PRKAR2B: variants seen among roughly 807,000 people sequenced by gnomAD.
PRKAR2B encodes the protein cAMP-dependent protein kinase type II-beta regulatory subunit.
In PRKAR2B, 14 loss-of-function variants were observed where a neutral mutation model predicts 49.9. That is an observed-to-expected ratio of 0.28 (90% CI 0.19 to 0.44). The LOEUF is 0.44. Ranked by LOEUF, PRKAR2B falls within the 20% of genes least tolerant of loss-of-function variation. The pLI, the probability that PRKAR2B is intolerant of heterozygous loss-of-function variation, is 1.00. For synonymous variants in PRKAR2B, 196 were observed against 197.7 expected (o/e 0.99, Z 0.07); for missense variants, 393 against 537.9 (o/e 0.73, Z 2.67).
intron 1 of PRKAR2B, among the ~76,000 whole-genome samples, chr7:107,046,415 TTTC>T (rs1793694968): frequency 6.6e-6 from 1 of 152,256 alleles, no homozygotes; most frequent in Non-Finnish European, 1.5e-5. Flanking sequence ...AGATGTTTCT[TTTC>T]TTTGCAGGAT....
chr7:107,122,113 T>A, intron 3 of PRKAR2B, 109 bp downstream of exon 3: 1 of 616,396 alleles, frequency 1.6e-6, no homozygotes, highest in South Asian at 3.2e-5. Context: ...GGAGACATAA[T>A]GGAATTATTT....
intron 1 of PRKAR2B, among the ~76,000 whole-genome samples, chr7:107,066,295 A>G (rs1035421305): frequency 9.9e-5 from 10 of 101,278 alleles, no homozygotes; most frequent in East Asian, 3.0e-4. Flanking sequence ...TTTTCTCTCT[A>G]TGTGGGGTGT....
intron 5 of PRKAR2B, among the ~76,000 whole-genome samples, chr7:107,143,966 A>G (rs949233259): frequency 6.6e-6 from 1 of 152,172 alleles, no homozygotes; most frequent in Non-Finnish European, 1.5e-5. Flanking sequence ...CCTGTACTTG[A>G]AAAATGATTA....
At chr7:107,058,584 A>T (rs981968389) in intron 1 of PRKAR2B, among the ~76,000 whole-genome samples, 3 of 152,068 alleles carry the variant, frequency 2.0e-5, no homozygotes, top group Non-Finnish European at 4.4e-5. Context: ...TGATTTTTTT[A>T]TTTGACTGTT....
Position 107,128,210 on chromosome 7 carries a change from A to C in PRKAR2B, c.397-2A>C. 2 of 1,596,570 alleles carry C rather than the reference A, an allele frequency of 1.3e-6. No homozygotes were observed. On this transcript the variant is annotated splice_acceptor_variant, in intron 3 of 10. Coordinates refer to ENST00000265717, the MANE Select transcript of PRKAR2B (RefSeq NM_002736.3). LOFTEE classifies it high-confidence loss of function. ...TGTTTTTTAAATCTGATGTCCTTTT[A>C]GATTATACATCCAAAAACTGATGAT...
At chr7:107,138,886 C>A (rs911755631) in intron 4 of PRKAR2B, among the ~76,000 whole-genome samples, 5 of 152,024 alleles carry the variant, frequency 3.3e-5, no homozygotes, top group African/African-American at 1.2e-4. Flanking sequence ...GCCATGTTGC[C>A]CAGGCTGGTC....
chr7:107,086,667 G>A (rs923478797), intron 2 of PRKAR2B, among the ~76,000 whole-genome samples: 11 of 151,908 alleles, frequency 7.2e-5, no homozygotes, highest in African/African-American at 2.7e-4. Context: ...TTGCCACATT[G>A]GCCAGGCTGG....
chr7:107,079,195 G>C (rs1326779286), intron 2 of PRKAR2B, among the ~76,000 whole-genome samples: 1 of 152,180 alleles, frequency 6.6e-6, no homozygotes, highest in Non-Finnish European at 1.5e-5. Context: ...CTGTGTGAAG[G>C]ATCAGTTTTT....
intron 6 of PRKAR2B, among the ~76,000 whole-genome samples, chr7:107,149,910 C>T (rs1356073488): frequency 2.0e-5 from 3 of 152,146 alleles, no homozygotes; most frequent in African/African-American, 7.2e-5. Context: ...ATACCCCATT[C>T]TCTATGATGT....
intron 1 of PRKAR2B, among the ~76,000 whole-genome samples, chr7:107,058,482 C>G (rs1793958160): frequency 6.6e-6 from 1 of 152,064 alleles, no homozygotes; most frequent in Non-Finnish European, 1.5e-5. Context: ...TGTACTTATT[C>G]AACTACAAAT....
intron 2 of PRKAR2B, among the ~76,000 whole-genome samples, chr7:107,117,667 C>T (rs1451581657): frequency 6.8e-6 from 1 of 148,126 alleles, no homozygotes; most frequent in Non-Finnish European, 1.5e-5. Flanking sequence ...ATTTTTAAAA[C>T]ATCAACAACA....
intron 2 of PRKAR2B, among the ~76,000 whole-genome samples, chr7:107,099,190 G>C (rs1794907268): frequency 6.6e-6 from 1 of 152,182 alleles, no homozygotes; most frequent in Admixed American, 6.5e-5. Context: ...AGGCTGCTTT[G>C]TTTACCTACT....
At chr7:107,050,525 T>C (rs1234066486) in intron 1 of PRKAR2B, among the ~76,000 whole-genome samples, 1 of 152,118 alleles carries the variant, frequency 6.6e-6, no homozygotes, top group East Asian at 1.9e-4. Context: ...TCTTTTTCAG[T>C]TGTGCAAATA....
intron 1 of PRKAR2B, among the ~76,000 whole-genome samples, chr7:107,048,184 A>C (rs1033529575): frequency 2.6e-5 from 4 of 152,118 alleles, no homozygotes; most frequent in Non-Finnish European, 5.9e-5. Context: ...GCATAACCTG[A>C]GTATCCCTTA....
chr7:107,094,293 C>T (rs1373525869), intron 2 of PRKAR2B, among the ~76,000 whole-genome samples: 2 of 152,206 alleles, frequency 1.3e-5, no homozygotes, highest in Non-Finnish European at 2.9e-5. Context: ...CGTCTGTTGG[C>T]TGCATAAATG....
At chr7:107,128,444 A>G (rs1795539803) in intron 4 of PRKAR2B, 149 bp downstream of exon 4, 3 of 580,550 alleles carry the variant, frequency 5.2e-6, no homozygotes, top group Non-Finnish European at 9.1e-6. Flanking sequence ...TTGAATGCAC[A>G]GTAGGTTGAA....
chr7:107,118,404 C>T (rs1336175208), intron 2 of PRKAR2B, among the ~76,000 whole-genome samples: 3 of 151,978 alleles, frequency 2.0e-5, no homozygotes, highest in Non-Finnish European at 1.5e-5. Flanking sequence ...AAAGACATCT[C>T]TGCCCTCAAG....
chr7:107,155,943 A>G (rs917976775), intron 8 of PRKAR2B, among the ~76,000 whole-genome samples: 24 of 152,194 alleles, frequency 1.6e-4, no homozygotes, highest in African/African-American at 5.6e-4. Context: ...AGAATGAGAT[A>G]ATGTCCTTTG....
chr7:107,046,485 C>G (rs1793696731), intron 1 of PRKAR2B, among the ~76,000 whole-genome samples: 1 of 152,174 alleles, frequency 6.6e-6, no homozygotes, highest in Non-Finnish European at 1.5e-5. Context: ...AAAAGAATCC[C>G]AGAAACCCTG....
Sources: gnomAD v4.1 joint callset for allele counts (sites outside exome capture counted in the v4.1 genomes callset) on GRCh38, gnomAD v4.1.1 for gene constraint, MANE v1.5 for transcripts, NCBI Gene and HGNC (gene_info 2026-07-23, HGNC 2026-07-21) for gene names.